Variants in KCNT2 observed in about 807,000 individuals in gnomAD.
The protein encoded by KCNT2 is potassium channel subfamily T member 2.
A neutral mutation model predicts 153.8 loss-of-function variants in KCNT2; 67 were observed. The observed-to-expected ratio is 0.44, with a 90% CI of 0.36 to 0.53. The LOEUF (loss-of-function observed/expected upper bound fraction) is 0.53, where lower values mean the gene tolerates loss of function less well. Among genes scored for constraint, KCNT2 ranks in the 20% least tolerant of loss-of-function variants. The pLI is 0.00. For missense variants in KCNT2, 975 were observed against 1,354.8 expected, an observed-to-expected ratio of 0.72 and a Z score of 4.40; for synonymous variants, 500 against 458.8, an observed-to-expected ratio of 1.09 and a Z score of -1.15.
At chr1:196,475,814 T>A (rs1678482791) in intron 5 of KCNT2, among the ~76,000 whole-genome samples, 2 of 152,142 alleles carry the variant, frequency 1.3e-5, no homozygotes, top group South Asian at 4.1e-4. Context: ...CAGCAACCTA[T>A]CCTTCTACTG....
chr1:196,421,987 T>C (rs1673248454), intron 12 of KCNT2, among the ~76,000 whole-genome samples: 1 of 152,078 alleles, frequency 6.6e-6, no homozygotes, highest in South Asian at 2.1e-4. Context: ...AATGGTCTCA[T>C]TATAAATTTA....
chr1:196,331,589 T>C (rs1022630316), intron 17 of KCNT2, among the ~76,000 whole-genome samples: 12 of 152,114 alleles, frequency 7.9e-5, no homozygotes, highest in African/African-American at 2.9e-4. Context: ...GCCACACTCA[T>C]TCATGTATGT....
intron 26 of KCNT2, among the ~76,000 whole-genome samples, chr1:196,243,200 C>T (rs1339642363): frequency 6.6e-6 from 1 of 152,124 alleles, no homozygotes; most frequent in Non-Finnish European, 1.5e-5. Context: ...CATGAATCTA[C>T]TTTGATACTA....
intron 5 of KCNT2, among the ~76,000 whole-genome samples, chr1:196,471,759 A>G (rs1451863278): frequency 6.6e-6 from 1 of 152,134 alleles, no homozygotes; most frequent in African/African-American, 2.4e-5. Context: ...TTTATAACAC[A>G]TTAGCCTTTT....
chr1:196,256,355 A>T (rs1656493165), intron 26 of KCNT2, among the ~76,000 whole-genome samples: 1 of 152,012 alleles, frequency 6.6e-6, no homozygotes, highest in Non-Finnish European at 1.5e-5. Context: ...AACAAAAATG[A>T]CATCCTTGTA....
At chr1:196,555,596 C>A (rs1177152304) in intron 1 of KCNT2, among the ~76,000 whole-genome samples, 1 of 151,284 alleles carries the variant, frequency 6.6e-6, no homozygotes, top group Non-Finnish European at 1.5e-5. Flanking sequence ...TCTACTTATT[C>A]AATGCCATCC....
At chr1:196,518,478 T>TAAAAAAAAAAAAAAAA (rs35962682) in intron 1 of KCNT2, among the ~76,000 whole-genome samples, 1 of 126,362 alleles carries the variant, frequency 7.9e-6, no homozygotes. Flanking sequence ...AAGCTGGATT[T>TAAAAAAAAAAAAAAAA]AAAAAAAAAA....
At chr1:196,379,996 C>T (rs894007191) in intron 13 of KCNT2, among the ~76,000 whole-genome samples, 1 of 152,138 alleles carries the variant, frequency 6.6e-6, no homozygotes, top group Non-Finnish European at 1.5e-5. Flanking sequence ...TATCTTGAAA[C>T]AAATGCCAAC....
chr1:196,320,035 A>G (rs1158936407), intron 19 of KCNT2, among the ~76,000 whole-genome samples: 1 of 151,848 alleles, frequency 6.6e-6, no homozygotes, highest in Non-Finnish European at 1.5e-5. Context: ...CATGCCCTAT[A>G]TAATATGTCA....
intron 12 of KCNT2, among the ~76,000 whole-genome samples, chr1:196,406,552 C>T (rs925608083): frequency 6.8e-6 from 1 of 147,354 alleles, no homozygotes; most frequent in African/African-American, 2.5e-5. Context: ...CCTATAGGCT[C>T]AACAGTGGCC....
chr1:196,340,643 T>C (rs1347454783), intron 15 of KCNT2, 73 bp from the exon 16 acceptor site: 7 of 858,134 alleles, frequency 8.2e-6, no homozygotes, highest in Non-Finnish European at 1.2e-5. Context: ...ATAAAAGCTT[T>C]AAATAATAGC....
chr1:196,315,881 C>A lies in KCNT2; in HGVS notation c.2483+11G>T. 1 of 1,596,586 alleles carries A rather than the reference C, an allele frequency of 6.3e-7. No homozygotes were observed. The highest frequency in any genetic ancestry group is 1.3e-5 in the African/African-American group (1 of 74,204). Reference sequence around the variant, plus strand: ...AAGTAAGTGGCAAGGTTGGATGATTCAGCCACTTACCTGAAGAGTGTCTGC... The same window carrying A: ...AAGTAAGTGGCAAGGTTGGATGATTAAGCCACTTACCTGAAGAGTGTCTGC... On this transcript the variant is annotated intron_variant, in intron 21 of 27. Coordinates refer to ENST00000294725, the MANE Select transcript of KCNT2 (RefSeq NM_198503.5).
At position 196,442,525 on chromosome 1, in the gene KCNT2, G is replaced by C. The variant is rs367742671; in HGVS notation, c.639-12768C>G. ...AACTACAGAAAGAAGAGGCCCCAGA[G>C]TTATGACTTCCGTTCATAGTGGAAT... is the stretch of plus-strand genomic sequence containing the variant. On this transcript the variant is annotated intron_variant, in intron 8 of 27. Coordinates refer to ENST00000294725, the MANE Select transcript of KCNT2 (RefSeq NM_198503.5). Among the ~76,000 whole-genome samples the C allele has an allele frequency of 4.0e-5, 6 of 151,788 alleles. No homozygotes were observed. In the East Asian group the frequency reaches 9.8e-4, roughly 25 times the overall value.
intron 26 of KCNT2, among the ~76,000 whole-genome samples, chr1:196,256,709 A>AATATATATATATAT (rs144323772): frequency 9.0e-5 from 13 of 144,180 alleles, no homozygotes; most frequent in African/African-American, 3.3e-4. Context: ...TTATCATGGA[A>AATATATATATATAT]ATATATATAT....
chr1:196,515,856 A>G (rs1452982221), intron 1 of KCNT2, among the ~76,000 whole-genome samples: 2 of 152,112 alleles, frequency 1.3e-5, no homozygotes, highest in African/African-American at 4.8e-5. Context: ...AACCCAGGGA[A>G]GTGGTGAGTA....
intron 21 of KCNT2, among the ~76,000 whole-genome samples, chr1:196,311,754 C>T (rs77941130): frequency 0.05 from 7,503 of 151,180 alleles, 282 homozygotes; most frequent in Non-Finnish European, 0.072. Flanking sequence ...TTTTTTAATT[C>T]CTAGATGGGC....
intron 26 of KCNT2, among the ~76,000 whole-genome samples, chr1:196,237,187 T>C (rs747187667): frequency 6.6e-6 from 1 of 151,724 alleles, no homozygotes; most frequent in Non-Finnish European, 1.5e-5. Context: ...AACAATTTGC[T>C]GCACTGGAAT....
rs1018825086 is a variant in KCNT2, at chr1:196,227,049, T to A, written c.*1175A>T. ...CATCAATGGTCAATTTATATTTAAA[T>A]TTATAACTCAAATTCTGCATGATTT... On this transcript the variant is annotated 3_prime_UTR_variant, in exon 28 of 28. Coordinates refer to ENST00000294725, the MANE Select transcript of KCNT2 (RefSeq NM_198503.5). The A allele has an allele frequency of 6.6e-6, 1 of 152,030 alleles. No individual in the cohort carries two copies. The highest frequency in any genetic ancestry group is 1.5e-5 in the Non-Finnish European group (1 of 67,876). The allele number at this position is 152,030 out of a possible 1,614,324, so 9.4% of individuals were successfully genotyped here. A position where few individuals can be genotyped will look rare whatever the true frequency, so the allele number is the denominator to read the frequency against.
At chr1:196,596,191 T>C (rs1033442887) in intron 1 of KCNT2, among the ~76,000 whole-genome samples, 4 of 151,848 alleles carry the variant, frequency 2.6e-5, no homozygotes, top group Non-Finnish European at 5.9e-5. Flanking sequence ...TAAATATGCA[T>C]GTGCATGTGT....
Sources: allele counts gnomAD v4.1 joint callset (sites outside exome capture counted in the v4.1 genomes callset), GRCh38; gene constraint gnomAD v4.1.1; transcripts MANE v1.5; gene names NCBI Gene and HGNC (gene_info 2026-07-23, HGNC 2026-07-21).